Variants in MARCHF10 observed in about 807,000 individuals in gnomAD.
MARCHF10 encodes the protein membrane associated ring-CH-type finger 10, also known as probable E3 ubiquitin-protein ligase MARCHF10.
MARCHF10 carries 64 observed loss-of-function variants against 76.2 expected under a neutral mutation model. That is an observed-to-expected ratio of 0.84 (90% CI 0.69 to 1.03). The LOEUF (loss-of-function observed/expected upper bound fraction) is 1.03. MARCHF10 is among the 50% of genes least tolerant of loss of function. The pLI is 0.00. For missense variants in MARCHF10, 875 were observed against 958.0 expected (o/e 0.91, Z 1.14); for synonymous variants, 340 against 357.5 (o/e 0.95, Z 0.55).
chr17:62,751,159 G>A (rs1365910591), intron 4 of MARCHF10, among the ~76,000 whole-genome samples: 1 of 152,138 alleles, frequency 6.6e-6, no homozygotes, highest in South Asian at 2.1e-4. Flanking sequence ...TGCTAACCTC[G>A]CTGGAGGCAG....
chr17:62,756,465 A>G (rs1377838875), intron 4 of MARCHF10, among the ~76,000 whole-genome samples: 1 of 152,160 alleles, frequency 6.6e-6, no homozygotes, highest in Non-Finnish European at 1.5e-5. Flanking sequence ...TCAATCAGTC[A>G]ATCAATAAAA....
chr17:62,760,176 G>A (rs572299326), intron 3 of MARCHF10, among the ~76,000 whole-genome samples, 170 bp from the exon 4 acceptor site: 1 of 152,292 alleles, frequency 6.6e-6, no homozygotes, highest in East Asian at 1.9e-4. Context: ...ACTGGGCAGA[G>A]CAACTTAGAA....
intron 3 of MARCHF10, among the ~76,000 whole-genome samples, chr17:62,765,192 CAA>C (rs34541663): frequency 3.3e-5 from 5 of 150,884 alleles, no homozygotes; most frequent in Admixed American, 6.6e-5. Flanking sequence ...ACTGAAAATA[CAA>C]AAAAAAAATT....
At chr17:62,797,493 C>T in intron 2 of MARCHF10, among the ~76,000 whole-genome samples, 1 of 152,214 alleles carries the variant, frequency 6.6e-6, no homozygotes. Context: ...CGTGAGCCAC[C>T]ACACCTGACC....
chr17:62,798,685 T>G (rs1002221765), intron 2 of MARCHF10, among the ~76,000 whole-genome samples: 1 of 152,054 alleles, frequency 6.6e-6, no homozygotes. Flanking sequence ...TTTGGGGACA[T>G]CTGGGATGAG....
At chr17:62,704,945 C>T in intron 10 of MARCHF10, 7 of 856,774 alleles carry the variant, frequency 8.2e-6, no homozygotes, top group South Asian at 5.4e-5. Flanking sequence ...TTTCTCCAGT[C>T]GTTTTTTTTT....
At chr17:62,766,695 CA>C (rs891424521) in intron 3 of MARCHF10, among the ~76,000 whole-genome samples, 2 of 152,006 alleles carry the variant, frequency 1.3e-5, no homozygotes, top group African/African-American at 4.8e-5. Context: ...GCTTGGCCAT[CA>C]AATGGAGATC....
intron 3 of MARCHF10, among the ~76,000 whole-genome samples, chr17:62,777,083 T>A (rs2092566143): frequency 6.6e-6 from 1 of 152,204 alleles, no homozygotes; most frequent in Admixed American, 6.5e-5. Flanking sequence ...TGGAGCATTC[T>A]CCACTCCAAG....
intron 10 of MARCHF10, chr17:62,705,101 C>A: frequency 9.3e-7 from 1 of 1,080,502 alleles, no homozygotes; most frequent in Non-Finnish European, 1.1e-6. Context: ...TCCACCAAGG[C>A]CACTAGCTTG....
chr17:62,772,920 A>C (rs887414049), intron 3 of MARCHF10, among the ~76,000 whole-genome samples: 2 of 152,208 alleles, frequency 1.3e-5, no homozygotes, highest in African/African-American at 4.8e-5. Flanking sequence ...CTAATAAAGA[A>C]GCATGTATAT....
chr17:62,761,551 A>G (rs1326327590), intron 3 of MARCHF10, among the ~76,000 whole-genome samples: 1 of 151,988 alleles, frequency 6.6e-6, no homozygotes, highest in Non-Finnish European at 1.5e-5. Flanking sequence ...CCTCCTGAGT[A>G]GCTGGGATTA....
chr17:62,762,225 T>C (rs1175587517), intron 3 of MARCHF10, among the ~76,000 whole-genome samples: 2 of 152,196 alleles, frequency 1.3e-5, no homozygotes, highest in Admixed American at 6.5e-5. Context: ...CTCAAGCCTT[T>C]AGTGCACTGA....
chr17:62,789,537 T>TG (rs2092806921), intron 2 of MARCHF10, among the ~76,000 whole-genome samples: 1 of 152,182 alleles, frequency 6.6e-6, no homozygotes, highest in Admixed American at 6.5e-5. Flanking sequence ...TGTAGGTAGT[T>TG]GTTTGTGGTT....
chr17:62,701,817 AG>A, intron 10 of MARCHF10, 59 bp from the exon 11 acceptor site: 1 of 1,607,254 alleles, frequency 6.2e-7, no homozygotes, highest in South Asian at 1.1e-5. Flanking sequence ...GGTCTGTTAC[AG>A]GGGGCACGGC....
intron 6 of MARCHF10, among the ~76,000 whole-genome samples, chr17:62,726,388 C>T (rs1302596753): frequency 1.3e-5 from 2 of 152,196 alleles, no homozygotes; most frequent in Non-Finnish European, 2.9e-5. Flanking sequence ...CTTTTTTCCC[C>T]ATGAAAGGGC....
chr17:62,736,959 A>G lies in MARCHF10; in HGVS notation c.909T>C (p.Val303=). The change falls in exon 6 of 11, where the codon GTT becomes GTC. Residue 303 remains valine, a synonymous_variant. Transcript: ENST00000311269. ...AAGGAGAACAGGGTGAGCGCACACC[A>G]ACCCACAGACATTCTTCAGACTGGG... ...EETQSEECLW[V]GVRSPCSPSH... 6.2e-7 allele frequency: 1 copy of G among 1,614,126 alleles called. No individual in the cohort carries two copies. The highest frequency in any genetic ancestry group is 8.5e-7 in the Non-Finnish European group (1 of 1,180,036).
At chr17:62,781,997 C>T (rs573377272) in intron 3 of MARCHF10, among the ~76,000 whole-genome samples, 2 of 152,312 alleles carry the variant, frequency 1.3e-5, no homozygotes, top group African/African-American at 4.8e-5. Context: ...GTGCTGCAAT[C>T]TCTAGGAGGA....
At chr17:62,793,809 G>A (rs1225446273) in intron 2 of MARCHF10, among the ~76,000 whole-genome samples, 50 of 74,882 alleles carry the variant, frequency 6.7e-4, no homozygotes, top group Admixed American at 1.2e-3. Context: ...CACCTCCATC[G>A]ACCACCACCA....
rs140637853 is a variant in MARCHF10 at position 62,791,149 on chromosome 17, C to T, written c.91-2550G>A. Among the ~76,000 whole-genome samples the T allele has an allele frequency of 5.7e-3, 863 of 152,298 alleles. 18 individuals are homozygous for T. Among genetic ancestry groups the T allele is most frequent in the African/African-American group, 0.02 (821 of 41,558 alleles). On this transcript the variant is annotated intron_variant, in intron 2 of 10. Coordinates refer to ENST00000311269, the MANE Select transcript of MARCHF10 (RefSeq NM_152598.4). Reference sequence around the variant, plus strand: ...CAAAAAACACCCAATCATAGAGAAACCCAGGTAATCCTAAAGGGAGTCGGC... The same window carrying T: ...CAAAAAACACCCAATCATAGAGAAATCCAGGTAATCCTAAAGGGAGTCGGC...
Sources: allele counts gnomAD v4.1 joint callset (sites outside exome capture counted in the v4.1 genomes callset), GRCh38; gene constraint gnomAD v4.1.1; transcripts MANE v1.5; gene names NCBI Gene and HGNC (gene_info 2026-07-23, HGNC 2026-07-21).